The following FOXO3 variants were observed in gnomAD, a reference collection of about 807,000 sequenced individuals.
FOXO3 encodes the protein forkhead box protein O3.
In FOXO3, 4 loss-of-function variants were observed where a neutral mutation model predicts 41.9. That is an observed-to-expected ratio of 0.10 (90% confidence interval 0.05 to 0.22). FOXO3 has a LOEUF of 0.22. FOXO3 is among the 10% of genes least tolerant of loss of function. The pLI is 1.00. For synonymous variants in FOXO3, 318 were observed against 389.3 expected, an observed-to-expected ratio of 0.82 and a Z score of 2.16; for missense variants, 534 against 906.8, an observed-to-expected ratio of 0.59 and a Z score of 5.28.
chr6:108,663,855 C>T lies in FOXO3; in HGVS notation c.1022C>T (p.Ala341Val), dbSNP rs762818396. The T allele has an allele frequency of 6.2e-7, 1 of 1,613,786 alleles. No homozygotes were observed. Among genetic ancestry groups the T allele is most frequent in the Non-Finnish European group, 8.5e-7 (1 of 1,179,724 alleles). ...TTGGATGAAGTCCAGGACGATGATG[C>T]GCCTCTCTCGCCCATGCTCTACAGC... ...TELDEVQDDD[A>V]PLSPMLYSSS... Residue 341 changes from alanine (A) to valine (V), a missense_variant, in exon 2 of 3, where the codon GCG (alanine) becomes GTG (valine). Around this residue, in one of 8 missense-constraint regions of FOXO3, gnomAD observed 185 missense variants for 224.9 expected, o/e 0.82. Transcript: ENST00000406360.
At chr6:108,566,246 CCTT>C (rs761351650) in intron 1 of FOXO3, among the ~76,000 whole-genome samples, 7 of 152,080 alleles carry the variant, frequency 4.6e-5, no homozygotes, top group African/African-American at 1.2e-4. Flanking sequence ...ATGTTTATCT[CCTT>C]CTTAGAAAAT....
intron 1 of FOXO3, among the ~76,000 whole-genome samples, chr6:108,656,952 C>A (rs746371152): frequency 6.6e-6 from 1 of 152,142 alleles, no homozygotes; most frequent in Admixed American, 6.5e-5. Flanking sequence ...TCAAGGTGGA[C>A]CAAACAAAGG....
intron 1 of FOXO3, among the ~76,000 whole-genome samples, chr6:108,632,588 CCCT>C (rs1778003540): frequency 6.6e-6 from 1 of 152,086 alleles, no homozygotes; most frequent in Non-Finnish European, 1.5e-5. Context: ...CTGCGGAAAT[CCCT>C]CCTCCTTCCC....
At chr6:108,580,225 G>T (rs1478228820) in intron 1 of FOXO3, among the ~76,000 whole-genome samples, 1 of 108,860 alleles carries the variant, frequency 9.2e-6, no homozygotes, top group Non-Finnish European at 1.7e-5. Flanking sequence ...GTCTCACTCT[G>T]TTGCCCAGGC....
At chr6:108,586,672 A>G (rs186181006) in intron 1 of FOXO3, among the ~76,000 whole-genome samples, 25 of 152,246 alleles carry the variant, frequency 1.6e-4, no homozygotes, top group South Asian at 6.2e-4. Context: ...GAAGGGCAGA[A>G]GACAAAAACC....
chr6:108,602,532 A>C (rs1275833802), intron 1 of FOXO3, among the ~76,000 whole-genome samples: 1 of 152,124 alleles, frequency 6.6e-6, no homozygotes, highest in Non-Finnish European at 1.5e-5. Flanking sequence ...TTTGGTCTAG[A>C]ATGGGGTAAA....
chr6:108,575,828 A>G (rs1419658863), intron 1 of FOXO3, among the ~76,000 whole-genome samples: 2 of 152,208 alleles, frequency 1.3e-5, no homozygotes, highest in Non-Finnish European at 2.9e-5. Flanking sequence ...CCACAGACTA[A>G]TAACATTTTG....
At position 108,684,704 on chromosome 6, in the gene FOXO3, T is replaced by A. The variant is rs1199895597; in HGVS notation, c.*4912T>A. 1 of 152,678 alleles carries A rather than the reference T, an allele frequency of 6.5e-6. No individual in the cohort carries two copies. The highest frequency in any genetic ancestry group is 1.9e-4 in the East Asian group (1 of 5,192). The allele number at this position is 152,678 out of a possible 1,614,324, so 9.5% of individuals were successfully genotyped here. A position where few individuals can be genotyped will look rare whatever the true frequency, so the allele number is the denominator to read the frequency against. On this transcript the variant is annotated 3_prime_UTR_variant, in exon 3 of 3. Coordinates refer to ENST00000406360, the MANE Select transcript of FOXO3 (RefSeq NM_001455.4). ...TAGATATTGCCTTGTGTATTCCACT[T>A]AAAACCGTAATCTAGTTTGTAAAAG...
At position 108,561,111 on chromosome 6, in the gene FOXO3, G is replaced by C; in HGVS notation, c.-98G>C. On this transcript the variant is annotated 5_prime_UTR_variant, in exon 1 of 3. Transcript: ENST00000406360. ...GCGGCGGCGGCGGCGCCCGGGAGCC[G>C]GAGCCTTCGCGGCGTCCACGTCCCT... The C allele has an allele frequency of 7.0e-7, 1 of 1,433,802 alleles. No homozygotes were observed. The allele number at this position is 1,433,802 out of a possible 1,614,324, so 88.8% of individuals were successfully genotyped here. A position where few individuals can be genotyped will look rare whatever the true frequency, so the allele number is the denominator to read the frequency against.
At chr6:108,583,817 G>A (rs1776500821) in intron 1 of FOXO3, among the ~76,000 whole-genome samples, 1 of 152,214 alleles carries the variant, frequency 6.6e-6, no homozygotes, top group Non-Finnish European at 1.5e-5. Flanking sequence ...TGGCAAATAA[G>A]ATTTCAGTGC....
intron 1 of FOXO3, 106 bp downstream of exon 1, chr6:108,561,935 G>T (rs932676728): frequency 8.0e-5 from 114 of 1,429,914 alleles, no homozygotes; most frequent in Non-Finnish European, 9.6e-5. Context: ...AGGGCAAGGG[G>T]TTGGCAGGGG....
At chr6:108,574,335 T>C (rs1362007005) in intron 1 of FOXO3, among the ~76,000 whole-genome samples, 1 of 152,058 alleles carries the variant, frequency 6.6e-6, no homozygotes, top group African/African-American at 2.4e-5. Context: ...TTTAGAAGAA[T>C]AGAGTGACGC....
rs773001047 is a variant in FOXO3, at chr6:108,561,283, G to A, written c.75G>A (p.Gln25=). The A allele has an allele frequency of 2.3e-5, 36 of 1,564,932 alleles. No individual in the cohort carries two copies. Among genetic ancestry groups the A allele is most frequent in the Non-Finnish European group, 3.1e-5 (36 of 1,157,996 alleles). The change falls in exon 1 of 3, where the codon CAG becomes CAA. Residue 25 remains glutamine (Q), a synonymous_variant. Transcript: ENST00000406360. ...EVELDPEFEP[Q]SRPRSCTWPL... is the part of the protein sequence containing the mutation. ...AGCTGGACCCGGAGTTCGAGCCCCAGAGCCGTCCGCGATCCTGTACGTGGC... is the reference window on the plus strand; with the variant it reads ...AGCTGGACCCGGAGTTCGAGCCCCAAAGCCGTCCGCGATCCTGTACGTGGC...
chr6:108,606,507 A>T (rs1177821682), intron 1 of FOXO3, among the ~76,000 whole-genome samples: 1 of 152,210 alleles, frequency 6.6e-6, no homozygotes, highest in African/African-American at 2.4e-5. Context: ...AAAAAGAGAA[A>T]ATGTCTTCTC....
At chr6:108,618,039 C>A in intron 1 of FOXO3, 1 of 682,630 alleles carries the variant, frequency 1.5e-6, no homozygotes. Context: ...ACACGTCAAT[C>A]GTATCTTCAT....
chr6:108,595,130 C>G (rs1776842594), intron 1 of FOXO3, among the ~76,000 whole-genome samples: 1 of 152,166 alleles, frequency 6.6e-6, no homozygotes. Context: ...CTCCCCCTCC[C>G]ACAAGCAGCT....
chr6:108,608,155 C>T (rs1229160914), intron 1 of FOXO3, among the ~76,000 whole-genome samples: 3 of 152,166 alleles, frequency 2.0e-5, no homozygotes, highest in African/African-American at 7.2e-5. Context: ...TGCATACTCC[C>T]AGTGGGCCTT....
intron 1 of FOXO3, among the ~76,000 whole-genome samples, chr6:108,610,680 C>T (rs1054993315): frequency 3.3e-5 from 5 of 152,294 alleles, no homozygotes; most frequent in South Asian, 2.1e-4. Flanking sequence ...ATTTTCCTAT[C>T]GCCCACACCT....
intron 1 of FOXO3, among the ~76,000 whole-genome samples, chr6:108,623,104 A>G (rs1424597914): frequency 6.6e-6 from 1 of 152,050 alleles, no homozygotes; most frequent in Non-Finnish European, 1.5e-5. Context: ...GGGCTACAGC[A>G]TGCCTCAGAA....
Sources: gnomAD v4.1 joint callset for allele counts (sites outside exome capture counted in the v4.1 genomes callset) on GRCh38, gnomAD v4.1.1 for gene constraint, gnomAD v4.1.1 regional missense constraint, MANE v1.5 for transcripts, NCBI Gene and HGNC (gene_info 2026-07-23, HGNC 2026-07-21) for gene names.